DCAF17: variants seen among roughly 807,000 people sequenced by gnomAD.
The protein encoded by DCAF17 is DDB1- and CUL4-associated factor 17.
DCAF17 carries 48 observed loss-of-function variants against 66.0 expected under a neutral mutation model. The ratio of observed to expected loss-of-function variants is 0.73; its 90% confidence interval spans 0.58 to 0.92. DCAF17 has a LOEUF of 0.92. Ranked by LOEUF, DCAF17 falls within the 40% of genes least tolerant of loss-of-function variation. The pLI is 0.00. For missense variants in DCAF17, 562 were observed against 622.8 expected (o/e 0.90, Z 1.04); for synonymous variants, 206 against 214.6 (o/e 0.96, Z 0.35).
At chr2:171,463,286 ATGTGTACTAT>A (rs1695704874) in intron 8 of DCAF17, among the ~76,000 whole-genome samples, 2 of 151,202 alleles carry the variant, frequency 1.3e-5, no homozygotes, top group African/African-American at 4.9e-5. Context: ...AATTTCCAGG[ATGTGTACTAT>A]TAAGTAAAAA....
At chr2:171,476,789 A>C in intron 10 of DCAF17, 71 bp from the exon 11 acceptor site, 1 of 1,052,206 alleles carries the variant, frequency 9.5e-7, no homozygotes, top group South Asian at 1.3e-5. Context: ...GTTTTACTTC[A>C]GTACTTAAAC....
intron 8 of DCAF17, among the ~76,000 whole-genome samples, chr2:171,459,169 G>C (rs1017309244): frequency 3.3e-5 from 5 of 152,016 alleles, no homozygotes; most frequent in African/African-American, 1.2e-4. Flanking sequence ...TTAGCCAGGC[G>C]TGGTGGCACA....
chr2:171,480,344 G>A, intron 13 of DCAF17, 151 bp downstream of exon 13: 1 of 964,248 alleles, frequency 1.0e-6, no homozygotes, highest in Non-Finnish European at 1.5e-6. Context: ...GGACAAAAGA[G>A]TACTTCTTAA....
At position 171,434,477 on chromosome 2, in the gene DCAF17, T is replaced by G; in HGVS notation, c.-101T>G. 2.0e-6 allele frequency: 3 copies of G among 1,514,974 alleles called. No individual in the cohort carries two copies. The highest frequency in any genetic ancestry group is 2.6e-6 in the Non-Finnish European group (3 of 1,133,488). The allele number at this position is 1,514,974 out of a possible 1,614,324, so 93.8% of individuals were successfully genotyped here. A position where few individuals can be genotyped will look rare whatever the true frequency, so the allele number is the denominator to read the frequency against. On this transcript the variant is annotated 5_prime_UTR_variant, in exon 1 of 14. Transcript: ENST00000375255. ...CTTTCCCTGGGCCCCGCCGGGAAAG[T>G]CTGGGCCTCGAAATTCGAAGGCAGC...
chr2:171,473,443 TA>T (rs967871273), intron 9 of DCAF17, among the ~76,000 whole-genome samples: 68 of 151,100 alleles, frequency 4.5e-4, no homozygotes, highest in Admixed American at 1.2e-3. Flanking sequence ...TATCTCTATT[TA>T]AAAAAAAACA....
At chr2:171,434,826 A>C (rs944885164) in intron 1 of DCAF17, 123 bp downstream of exon 1, 21 of 1,377,898 alleles carry the variant, frequency 1.5e-5, no homozygotes, top group Admixed American at 3.1e-5. Context: ...GATGGGGAGG[A>C]GGATACAAGC....
chr2:171,473,416 G>C (rs1035203861), intron 9 of DCAF17, among the ~76,000 whole-genome samples: 1 of 151,892 alleles, frequency 6.6e-6, no homozygotes, highest in Non-Finnish European at 1.5e-5. Flanking sequence ...ACCAGCCTGG[G>C]CAACATAGCG....
intron 8 of DCAF17, among the ~76,000 whole-genome samples, chr2:171,459,246 A>C (rs1180265908): frequency 6.6e-6 from 1 of 152,176 alleles, no homozygotes; most frequent in Non-Finnish European, 1.5e-5. Context: ...TAGGAGGCAG[A>C]GGTTGTGGTG....
In DCAF17 at chr2:171,474,836, C is replaced by T. The variant is rs569365698; in HGVS notation, c.1091+861C>T. 5.9e-5 allele frequency among the ~76,000 whole-genome samples: 9 copies of T among 152,234 alleles called. No individual in the cohort carries two copies. The East Asian group carries it at 1.7e-3, about 29-fold the overall frequency. The stretch of plus-strand genomic sequence containing the variant: ...ATTTTTTAAATCTGCCTGTTTCTGC[C>T]CTTGGCCACTGTCTTCATCTTGGCC... On this transcript the variant is annotated intron_variant, in intron 10 of 13. Transcript: ENST00000375255.
At chr2:171,446,835 A>G (rs186154026) in intron 3 of DCAF17, among the ~76,000 whole-genome samples, 54 of 152,186 alleles carry the variant, frequency 3.5e-4, no homozygotes, top group Non-Finnish European at 1.3e-4. Flanking sequence ...TAAATAGAAA[A>G]TATTATGAAA....
chr2:171,481,321 T>C lies in DCAF17; in HGVS notation c.*207T>C, dbSNP rs1696736136. The C allele has an allele frequency of 1.5e-6, 1 of 667,368 alleles. No individual in the cohort carries two copies. The highest frequency in any genetic ancestry group is 2.7e-6 in the Non-Finnish European group (1 of 371,202). 41.3% of individuals were successfully genotyped at this position (667,368 alleles called of 1,614,324 possible). A position where few individuals can be genotyped will look rare whatever the true frequency, so the allele number is the denominator to read the frequency against. On this transcript the variant is annotated 3_prime_UTR_variant, in exon 14 of 14. Transcript: ENST00000375255. ...TTTTTTTAAAGGTTTTTTAGAATAC[T>C]GTTCCAAGAAGTTTAGTGTTTTGCA... is the stretch of plus-strand genomic sequence containing the variant.
Position 171,484,951 on chromosome 2 carries a change from A to C in DCAF17, c.*3837A>C, listed in dbSNP as rs1053469636. The C allele has an allele frequency of 4.4e-6, 2 of 454,072 alleles. No individual in the cohort carries two copies. The highest frequency in any genetic ancestry group is 8.8e-6 in the Non-Finnish European group (2 of 226,788). 28.1% of individuals were successfully genotyped at this position (454,072 alleles called of 1,614,324 possible). A position where few individuals can be genotyped will look rare whatever the true frequency, so the allele number is the denominator to read the frequency against. On this transcript the variant is annotated 3_prime_UTR_variant, in exon 14 of 14. Transcript: ENST00000375255. ...TTGCTGAGTATTCTTTCGTATGAAT[A>C]TATCACAGTTTGTTTTTTTATCTTT... is the stretch of plus-strand genomic sequence containing the variant.
At chr2:171,453,997 C>T (rs1473507420) in intron 6 of DCAF17, among the ~76,000 whole-genome samples, 11 of 152,028 alleles carry the variant, frequency 7.2e-5, no homozygotes, top group Non-Finnish European at 1.5e-5. Flanking sequence ...GTGCCATGCA[C>T]TTTGAATATT....
chr2:171,434,526 T>G lies in DCAF17; in HGVS notation c.-52T>G. On this transcript the variant is annotated 5_prime_UTR_variant, in exon 1 of 14. Coordinates refer to ENST00000375255, the MANE Select transcript of DCAF17 (RefSeq NM_025000.4). ...GCGGCGGCTGCCCAGCACGGGAGTGTGGGGCGCGCCACTCGGCGGCCCAGC... is the reference window on the plus strand; with the variant it reads ...GCGGCGGCTGCCCAGCACGGGAGTGGGGGGCGCGCCACTCGGCGGCCCAGC... The G allele has an allele frequency of 6.6e-7, 1 of 1,522,374 alleles. No individual in the cohort carries two copies. Among genetic ancestry groups the G allele is most frequent in the Non-Finnish European group, 8.8e-7 (1 of 1,139,542 alleles). 94.3% of individuals were successfully genotyped at this position (1,522,374 alleles called of 1,614,324 possible).
chr2:171,480,102 T>C lies in DCAF17; in HGVS notation c.1331T>C (p.Ile444Thr). ...DLLSVVAVTQIDAEGKAHLDF... is the reference protein window; with the variant it reads ...DLLSVVAVTQTDAEGKAHLDF... ...CTTTCTGTGGTAGCTGTTACTCAAATAGATGCTGAAGGAAAAGCTCACCTG... is the reference window on the plus strand; with the variant it reads ...CTTTCTGTGGTAGCTGTTACTCAAACAGATGCTGAAGGAAAAGCTCACCTG... Residue 444 changes from isoleucine to threonine, a missense_variant, in exon 13 of 14, where the codon ATA (isoleucine) becomes ACA (threonine). This residue lies in a region of DCAF17 where 201 missense variants were observed against 231.1 expected (regional missense o/e 0.87). Coordinates refer to ENST00000375255, the MANE Select transcript of DCAF17 (RefSeq NM_025000.4). 1 of 1,613,856 alleles carries C rather than the reference T, an allele frequency of 6.2e-7. No individual in the cohort carries two copies. The highest frequency in any genetic ancestry group is 8.5e-7 in the Non-Finnish European group (1 of 1,179,800).
intron 6 of DCAF17, 93 bp downstream of exon 6, chr2:171,453,306 T>TG: frequency 1.0e-6 from 1 of 958,698 alleles, no homozygotes; most frequent in Non-Finnish European, 1.6e-6. Context: ...TGATTGGAAA[T>TG]GCTCCCCTCA....
chr2:171,457,505 C>T (rs1228184632), intron 6 of DCAF17, among the ~76,000 whole-genome samples: 2 of 152,162 alleles, frequency 1.3e-5, no homozygotes, highest in Non-Finnish European at 2.9e-5. Flanking sequence ...ACTTACCATG[C>T]ATGAAAGACT....
At chr2:171,471,115 C>A (rs1696222183) in intron 9 of DCAF17, among the ~76,000 whole-genome samples, 1 of 152,172 alleles carries the variant, frequency 6.6e-6, no homozygotes, top group Non-Finnish European at 1.5e-5. Flanking sequence ...TCTATAATAA[C>A]TGATTATAAC....
chr2:171,451,686 C>T (rs1241317624), intron 5 of DCAF17, among the ~76,000 whole-genome samples: 3 of 152,120 alleles, frequency 2.0e-5, no homozygotes, highest in Non-Finnish European at 2.9e-5. Context: ...AGCAATTCTC[C>T]TGACTCAGCC....
Sources: gnomAD v4.1 joint callset for allele counts (sites outside exome capture counted in the v4.1 genomes callset) on GRCh38, gnomAD v4.1.1 for gene constraint, gnomAD v4.1.1 regional missense constraint, MANE v1.5 for transcripts, NCBI Gene and HGNC (gene_info 2026-07-23, HGNC 2026-07-21) for gene names.